PIN4: variants seen among roughly 807,000 people sequenced by gnomAD.
The protein encoded by PIN4 is peptidylprolyl cis/trans isomerase, NIMA-interacting 4, also known as peptidyl-prolyl cis-trans isomerase NIMA-interacting 4.
PIN4 carries 3 observed loss-of-function variants against 8.3 expected under a neutral mutation model. The observed-to-expected ratio is 0.36, with a 90% CI of 0.16 to 0.93. The LOEUF (loss-of-function observed/expected upper bound fraction) is 0.93, where lower values mean the gene tolerates loss of function less well. PIN4 is among the 40% of genes least tolerant of loss of function. The pLI, the probability that PIN4 is intolerant of heterozygous loss-of-function variation, is 0.44. For missense variants in PIN4, 75 were observed against 100.6 expected (o/e 0.75, Z 1.09); for synonymous variants, 18 against 32.5 (o/e 0.55, Z 1.52).
At position 72,181,772 on chromosome X, in the gene PIN4, A is replaced by T; in HGVS notation, c.-14A>T. The T allele has an allele frequency of 8.3e-7, 1 of 1,201,760 alleles. No homozygotes were observed. Among genetic ancestry groups the T allele is most frequent in the Non-Finnish European group, 1.1e-6 (1 of 886,982 alleles). On this transcript the variant is annotated 5_prime_UTR_variant, in exon 1 of 4. Coordinates refer to ENST00000373669, the MANE Select transcript of PIN4 (RefSeq NM_006223.4). ...CAACTGGAGCGGTTCAGCGTTCAAC[A>T]ACAAGCTTCCAAGATGCCGCCCAAA...
intron 3 of PIN4, among the ~76,000 whole-genome samples, chrX:72,255,273 A>AAGTAATAATAAT (rs1556407611): frequency 3.9e-4 from 38 of 96,378 alleles, no homozygotes; most frequent in African/African-American, 1.3e-3. Context: ...CCATCTCTAA[A>AAGTAATAATAAT]AATAATAATA....
intron 3 of PIN4, among the ~76,000 whole-genome samples, chrX:72,256,735 A>G (rs1392386262): frequency 8.9e-6 from 1 of 112,212 alleles, no homozygotes; most frequent in African/African-American, 3.2e-5. Context: ...AGATTGAAAC[A>G]GGATGATGGG....
At chrX:72,190,087 ACCCCCAAG>A (rs1363434222) in intron 2 of PIN4, among the ~76,000 whole-genome samples, 10 of 109,023 alleles carry the variant, frequency 9.2e-5, no homozygotes, top group Non-Finnish European at 1.7e-4. Context: ...CTCCTCACAG[ACCCCCAAG>A]CCCTCAAGCC....
intron 3 of PIN4, among the ~76,000 whole-genome samples, chrX:72,246,371 C>G (rs2043067280): frequency 9.0e-6 from 1 of 111,305 alleles, no homozygotes; most frequent in Admixed American, 9.5e-5. Flanking sequence ...GACGACTGCA[C>G]TAGCCTCCTG....
chrX:72,192,261 G>A lies in PIN4; in HGVS notation c.118-4524G>A, dbSNP rs1045666491. Among the ~76,000 whole-genome samples the A allele has an allele frequency of 4.5e-5, 5 of 111,246 alleles. 1 individual carries two copies. The highest frequency in any genetic ancestry group is 7.5e-4 in the South Asian group (2 of 2,683). On this transcript the variant is annotated intron_variant, in intron 2 of 3. Transcript: ENST00000373669. ...AGCCACCTCGCCCAGTGTAAATTTC[G>A]TATTTACATGTCTTCCACTTTTTGC...
chrX:72,203,152 T>C (rs1246985144), downstream of PIN4, among the ~76,000 whole-genome samples: 4 of 111,509 alleles, frequency 3.6e-5, no homozygotes, highest in Admixed American at 3.8e-4. Context: ...AACAATGGAG[T>C]TTGGAGAGCC....
chrX:72,202,696 A>AAAAT (rs1345114262), downstream of PIN4, among the ~76,000 whole-genome samples: 1 of 111,747 alleles, frequency 8.9e-6, no homozygotes, highest in African/African-American at 3.3e-5. Context: ...GTATTACCCT[A>AAAAT]AAATAGTAAT....
intron 3 of PIN4, chrX:72,262,589 C>T (rs1323837361): frequency 2.3e-6 from 1 of 430,016 alleles, no homozygotes; most frequent in Admixed American, 3.8e-5. Flanking sequence ...ATGTGTTGCT[C>T]TTTGGCTCAA....
At chrX:72,184,043 T>C (rs1246392359) in intron 1 of PIN4, among the ~76,000 whole-genome samples, 1 of 112,510 alleles carries the variant, frequency 8.9e-6, no homozygotes, top group Non-Finnish European at 1.9e-5. Flanking sequence ...GTAGACTACA[T>C]AATCTTCACA....
intron 3 of PIN4, among the ~76,000 whole-genome samples, chrX:72,209,003 T>C (rs878975261): frequency 1.8e-5 from 2 of 112,030 alleles, no homozygotes; most frequent in Non-Finnish European, 3.8e-5. Flanking sequence ...GTGATATTTT[T>C]TGTAAAACAA....
downstream of PIN4, among the ~76,000 whole-genome samples, chrX:72,202,671 G>C (rs2042794545): frequency 2.7e-5 from 3 of 111,267 alleles, no homozygotes; most frequent in South Asian, 1.1e-3. Context: ...CAAAAATAAT[G>C]ATATATATTC....
chrX:72,193,460 GA>G (rs1480009436), intron 2 of PIN4, among the ~76,000 whole-genome samples: 4 of 111,183 alleles, frequency 3.6e-5, no homozygotes, highest in Non-Finnish European at 7.5e-5. Flanking sequence ...CATGGAGGTA[GA>G]AAACAGTGAT....
intron 2 of PIN4, among the ~76,000 whole-genome samples, chrX:72,195,244 T>C (rs976521632): frequency 3.6e-5 from 4 of 112,309 alleles, no homozygotes; most frequent in Non-Finnish European, 7.5e-5. Context: ...ATAGGTCAAA[T>C]TTGAATACTT....
At chrX:72,261,737 G>A (rs372682629) in intron 3 of PIN4, among the ~76,000 whole-genome samples, 2 of 111,975 alleles carry the variant, frequency 1.8e-5, no homozygotes, top group Admixed American at 1.9e-4. Context: ...ATCAACTAAC[G>A]ATTACTAATT....
chrX:72,239,102 A>G (rs753241413), intron 3 of PIN4: 4 of 421,572 alleles, frequency 9.5e-6, no homozygotes, highest in Admixed American at 4.0e-5. Context: ...ACGCGCTGCG[A>G]CGCCTCCGCC....
At chrX:72,258,980 A>G (rs1006120759) in intron 3 of PIN4, among the ~76,000 whole-genome samples, 1 of 111,895 alleles carries the variant, frequency 8.9e-6, no homozygotes, top group Non-Finnish European at 1.9e-5. Flanking sequence ...ACAAAAGGGT[A>G]AGAAAGTCTA....
chrX:72,235,394 T>TC (rs1404369524), intron 3 of PIN4, among the ~76,000 whole-genome samples: 1 of 99,813 alleles, frequency 1.0e-5, no homozygotes, highest in African/African-American at 3.8e-5. Context: ...TTCCACTTTT[T>TC]TTTTTTTTTT....
intron 3 of PIN4, among the ~76,000 whole-genome samples, chrX:72,214,171 T>C (rs2042873679): frequency 8.9e-6 from 1 of 112,267 alleles, no homozygotes; most frequent in Admixed American, 9.4e-5. Flanking sequence ...TTCCTTCCTT[T>C]TGGCTTCACT....
rs1569488931 is a variant in PIN4, at chrX:72,197,558, A to G, written c.*32A>G. The G allele has an allele frequency of 8.5e-7, 1 of 1,170,989 alleles. No homozygotes were observed. The highest frequency in any genetic ancestry group is 3.0e-5 in the East Asian group (1 of 33,465). On this transcript the variant is annotated 3_prime_UTR_variant, in exon 4 of 4. Coordinates refer to ENST00000373669, the MANE Select transcript of PIN4 (RefSeq NM_006223.4). The stretch of plus-strand genomic sequence containing the variant: ...ATGAAAGACTGAATAAGTTTTATAC[A>G]TTTTGTTTCTTTAAAAGGTATTACA...
Sources: gnomAD v4.1 joint callset for allele counts (sites outside exome capture counted in the v4.1 genomes callset) on GRCh38, gnomAD v4.1.1 for gene constraint, MANE v1.5 for transcripts, NCBI Gene and HGNC (gene_info 2026-07-23, HGNC 2026-07-21) for gene names.